The following XPR1 variants were observed in gnomAD, a reference collection of about 807,000 sequenced individuals.
XPR1 encodes the protein xenotropic and polytropic retrovirus receptor 1.
XPR1 carries 28 observed loss-of-function variants against 87.5 expected under a neutral mutation model. The ratio of observed to expected loss-of-function variants is 0.32; its 90% CI spans 0.24 to 0.44. The LOEUF (loss-of-function observed/expected upper bound fraction) is 0.44. XPR1 is among the 20% of genes least tolerant of loss of function. The pLI, the probability that XPR1 is intolerant of heterozygous loss-of-function variation, is 1.00. For synonymous variants in XPR1, 300 were observed against 306.1 expected, an observed-to-expected ratio of 0.98 and a Z score of 0.21; for missense variants, 559 against 862.3, an observed-to-expected ratio of 0.65 and a Z score of 4.41.
intron 2 of XPR1, among the ~76,000 whole-genome samples, chr1:180,751,078 A>C (rs578103321): frequency 6.6e-6 from 1 of 152,150 alleles, no homozygotes; most frequent in African/African-American, 2.4e-5. Flanking sequence ...AGTTTATAGA[A>C]ATACAGTTGA....
At chr1:180,698,174 A>G (rs1298132971) in intron 2 of XPR1, among the ~76,000 whole-genome samples, 1 of 151,972 alleles carries the variant, frequency 6.6e-6, no homozygotes, top group Non-Finnish European at 1.5e-5. Context: ...TGATTTTTTT[A>G]TCATTATTTA....
chr1:180,651,743 C>T (rs1655297893), intron 1 of XPR1, among the ~76,000 whole-genome samples: 2 of 152,022 alleles, frequency 1.3e-5, no homozygotes, highest in African/African-American at 4.8e-5. Flanking sequence ...ATCTGGGACC[C>T]ATGGATTAGA....
rs1156347096 is a variant in XPR1, at chr1:180,886,098, G to A, written c.*2032G>A. 6.6e-6 allele frequency: 1 copy of A among 152,080 alleles called. No homozygotes were observed. Among genetic ancestry groups the A allele is most frequent in the Non-Finnish European group, 1.5e-5 (1 of 68,016 alleles). 9.4% of individuals were successfully genotyped at this position (152,080 alleles called of 1,614,324 possible). Reference sequence around the variant, plus strand: ...GGAAATGTTTAATTAATGCTTTTTAGTTTAAATAAATTGAATCATTTATAA... The same window carrying A: ...GGAAATGTTTAATTAATGCTTTTTAATTTAAATAAATTGAATCATTTATAA... On this transcript the variant is annotated 3_prime_UTR_variant, in exon 15 of 15. Transcript: ENST00000367590.
At chr1:180,670,459 C>T (rs1392903885) in intron 1 of XPR1, among the ~76,000 whole-genome samples, 1 of 152,094 alleles carries the variant, frequency 6.6e-6, no homozygotes, top group Non-Finnish European at 1.5e-5. Context: ...TGAATTTTTA[C>T]CAGCTTAACT....
chr1:180,687,801 G>A (rs1358591555), intron 2 of XPR1, among the ~76,000 whole-genome samples: 1 of 151,518 alleles, frequency 6.6e-6, no homozygotes, highest in East Asian at 1.9e-4. Flanking sequence ...AAATAATATA[G>A]ATAAGGATTT....
chr1:180,821,593 G>C (rs544770924), intron 7 of XPR1, among the ~76,000 whole-genome samples: 2 of 152,232 alleles, frequency 1.3e-5, no homozygotes, highest in South Asian at 4.2e-4. Flanking sequence ...AAAGCCATTG[G>C]AATTTTGATA....
At chr1:180,709,127 G>T (rs541069187) in intron 2 of XPR1, among the ~76,000 whole-genome samples, 15 of 152,158 alleles carry the variant, frequency 9.9e-5, no homozygotes, top group African/African-American at 3.4e-4. Flanking sequence ...GGCCAGGCTG[G>T]TCTCAAACTC....
intron 3 of XPR1, among the ~76,000 whole-genome samples, chr1:180,793,668 G>A (rs9425881): frequency 0.26 from 39,956 of 151,958 alleles, 5,734 homozygotes; most frequent in East Asian, 0.55. Flanking sequence ...GGTAGTAGGG[G>A]AAGTGAAATT....
intron 2 of XPR1, among the ~76,000 whole-genome samples, chr1:180,714,942 A>G (rs1657937308): frequency 6.6e-6 from 1 of 152,146 alleles, no homozygotes; most frequent in Admixed American, 6.5e-5. Context: ...GATATTCTGG[A>G]ATGTTAGAAT....
intron 2 of XPR1, among the ~76,000 whole-genome samples, chr1:180,766,247 G>C (rs1030641973): frequency 1.3e-5 from 2 of 152,100 alleles, no homozygotes; most frequent in African/African-American, 4.8e-5. Context: ...ATGCAACCTA[G>C]GCAAGTAAGA....
At chr1:180,772,909 A>G (rs1421822059) in intron 2 of XPR1, among the ~76,000 whole-genome samples, 2 of 152,156 alleles carry the variant, frequency 1.3e-5, no homozygotes, top group Admixed American at 6.5e-5. Context: ...GTATTTCTAT[A>G]TCTATTTGCA....
chr1:180,659,193 T>TCTTCCTTCCTTCCTTCCTTC (rs550840483), intron 1 of XPR1, among the ~76,000 whole-genome samples: 1 of 79,904 alleles, frequency 1.3e-5, no homozygotes, highest in African/African-American at 5.4e-5. Flanking sequence ...CTGTAGTCAG[T>TCTTCCTTCCTTCCTTCCTTC]CTTCCTTCCT....
At chr1:180,758,722 G>A (rs1213519749) in intron 2 of XPR1, 1 of 152,308 alleles carries the variant, frequency 6.6e-6, no homozygotes, top group Non-Finnish European at 1.5e-5. Context: ...AAAAAAGGTA[G>A]TGCTCGCTTC....
chr1:180,682,525 T>C lies in XPR1; in HGVS notation c.121+114T>C, dbSNP rs1290580267. ...TAACCTGTCCTATTATATAGGTCTT[T>C]TTTTCCCTTTTAATAATATATATTA... On this transcript the variant is annotated intron_variant, in intron 2 of 14. Coordinates refer to ENST00000367590, the MANE Select transcript of XPR1 (RefSeq NM_004736.4). 7.7e-6 allele frequency: 4 copies of C among 517,184 alleles called. No individual in the cohort carries two copies. In the African/African-American group the frequency reaches 8.0e-5, roughly 10 times the overall value. 32.0% of individuals were successfully genotyped at this position (517,184 alleles called of 1,614,324 possible).
At chr1:180,681,805 C>T (rs905585640) in intron 1 of XPR1, among the ~76,000 whole-genome samples, 5 of 151,998 alleles carry the variant, frequency 3.3e-5, no homozygotes, top group East Asian at 1.9e-4. Context: ...GTAGCTAGGG[C>T]ATCACCATGC....
chr1:180,818,354 A>G (rs1273454671), intron 7 of XPR1, among the ~76,000 whole-genome samples: 2 of 149,868 alleles, frequency 1.3e-5, no homozygotes, highest in African/African-American at 2.5e-5. Context: ...AAACAGGTAC[A>G]TATTTGCTTA....
rs149313489 is a variant in XPR1, at chr1:180,753,487, G to A, written c.122-34266G>A. Among the ~76,000 whole-genome samples, 180 of 151,934 alleles carry A rather than the reference G, an allele frequency of 1.2e-3. 2 individuals carry two copies. The highest frequency in any genetic ancestry group is 0.012 in the South Asian group (56 of 4,796). ...GAGGATGGCTTGAGCCCAGGAGGCG[G>A]AGGTTGCAGTAAGCTGAGATCGTGC... On this transcript the variant is annotated intron_variant, in intron 2 of 14. Coordinates refer to ENST00000367590, the MANE Select transcript of XPR1 (RefSeq NM_004736.4).
At chr1:180,824,535 C>A (rs1230997316) in intron 7 of XPR1, among the ~76,000 whole-genome samples, 2 of 151,992 alleles carry the variant, frequency 1.3e-5, no homozygotes, top group Non-Finnish European at 2.9e-5. Context: ...GAGCCGAGAT[C>A]ACGCCATTGC....
At position 180,783,149 on chromosome 1, in the gene XPR1, G is replaced by A. The variant is rs188919207; in HGVS notation, c.122-4604G>A. Among the ~76,000 whole-genome samples the A allele has an allele frequency of 2.6e-3, 397 of 152,052 alleles. 7 individuals carry two copies. Among genetic ancestry groups the A allele is most frequent in the Non-Finnish European group, 4.9e-3 (330 of 67,928 alleles). On this transcript the variant is annotated intron_variant, in intron 2 of 14. Coordinates refer to ENST00000367590, the MANE Select transcript of XPR1 (RefSeq NM_004736.4). ...ATTTCCTGTGGTCCCAGCTACTAGG[G>A]AGGCTAAGGTGGGAGGATCGATTGA...
Sources: allele counts gnomAD v4.1 joint callset (sites outside exome capture counted in the v4.1 genomes callset), GRCh38; gene constraint gnomAD v4.1.1; transcripts MANE v1.5; gene names NCBI Gene and HGNC (gene_info 2026-07-23, HGNC 2026-07-21).